Variants in GALNS observed in about 807,000 individuals in gnomAD.
GALNS encodes galactosamine (N-acetyl)-6-sulfatase.
In GALNS, 65 loss-of-function variants were observed where a neutral mutation model predicts 65.9. The ratio of observed to expected loss-of-function variants is 0.99; its 90% CI spans 0.81 to 1.21. The LOEUF (loss-of-function observed/expected upper bound fraction) is 1.21, where lower values mean the gene tolerates loss of function less well. Ranked by LOEUF, GALNS falls within the 50% of genes most tolerant of loss-of-function variation. The probability of loss-of-function intolerance (pLI) is 0.00; values close to 1 mark genes in which losing one functional copy is unlikely to be tolerated. For synonymous variants in GALNS, 346 were observed against 288.9 expected, an observed-to-expected ratio of 1.20 and a Z score of -2.00; for missense variants, 776 against 700.7, an observed-to-expected ratio of 1.11 and a Z score of -1.21.
rs575624624 is a variant in GALNS, at chr16:88,815,059, C to T, written c.1483-534G>A. 1,030 of 909,420 alleles carry T rather than the reference C, an allele frequency of 1.1e-3. 1 individual carries two copies. The highest frequency in any genetic ancestry group is 1.2e-3 in the Admixed American group (10 of 8,012). 56.3% of individuals were successfully genotyped at this position (909,420 alleles called of 1,614,324 possible). Reference sequence around the variant, plus strand: ...CGAGCAGTTTTGATGTGTCCCCTGCCCAGGTCAACCCCGGACCCCAACCAA... The same window carrying T: ...CGAGCAGTTTTGATGTGTCCCCTGCTCAGGTCAACCCCGGACCCCAACCAA... On this transcript the variant is annotated intron_variant, in intron 13 of 13. Coordinates refer to ENST00000268695, the MANE Select transcript of GALNS (RefSeq NM_000512.5).
chr16:88,816,232 G>A (rs1179599753), intron 13 of GALNS: 9 of 985,462 alleles, frequency 9.1e-6, no homozygotes, highest in Non-Finnish European at 9.6e-6. Flanking sequence ...CCCCTGCCCT[G>A]TGCCCACTGT....
chr16:88,832,563 C>T (rs144099381), intron 8 of GALNS, among the ~76,000 whole-genome samples: 145 of 152,310 alleles, frequency 9.5e-4, no homozygotes, highest in African/African-American at 3.4e-3. Context: ...CCCCCAAGAC[C>T]GGATTTTGGT....
chr16:88,856,004 A>C, intron 1 of GALNS: 1 of 598,468 alleles, frequency 1.7e-6, no homozygotes, highest in Non-Finnish European at 3.0e-6. Flanking sequence ...CCAAGCTTGG[A>C]GACAGTAGGG....
At position 88,836,111 on chromosome 16, in the gene GALNS, T is replaced by A. The variant is rs564115191; in HGVS notation, c.633+90A>T. On this transcript the variant is annotated intron_variant, in intron 6 of 13. Transcript: ENST00000268695. ...CCTCCCACGGGGTGAGGTTGATGCA[T>A]TCCTGTCCCCACGCCTCCCACAGGA... 5.0e-4 allele frequency: 639 copies of A among 1,288,394 alleles called. 9 individuals are homozygous for A. The Admixed American group carries it at 5.8e-3, about 12-fold the overall frequency. The allele number at this position is 1,288,394 out of a possible 1,614,324, so 79.8% of individuals were successfully genotyped here. A position where few individuals can be genotyped will look rare whatever the true frequency, so the allele number is the denominator to read the frequency against.
At chr16:88,853,974 G>A (rs925435495) in intron 1 of GALNS, among the ~76,000 whole-genome samples, 3 of 152,228 alleles carry the variant, frequency 2.0e-5, no homozygotes, top group African/African-American at 7.2e-5. Context: ...TTCTGGCCAT[G>A]AGGGGTGCAA....
At chr16:88,843,845 C>G (rs1223157433) in intron 1 of GALNS, 2 of 153,572 alleles carry the variant, frequency 1.3e-5, no homozygotes, top group Non-Finnish European at 2.9e-5. Flanking sequence ...GAAGGGCACC[C>G]CACACCGCGC....
At chr16:88,842,181 G>C (rs542564315) in intron 2 of GALNS, 13 of 657,220 alleles carry the variant, frequency 2.0e-5, no homozygotes, top group Admixed American at 4.2e-5. Flanking sequence ...CGTGGCCCTT[G>C]GGCCCTGCAG....
At chr16:88,817,132 C>T in intron 13 of GALNS, 1 of 985,476 alleles carries the variant, frequency 1.0e-6, no homozygotes, top group Non-Finnish European at 1.2e-6. Flanking sequence ...CCTTTGCGGC[C>T]ACTGCACACG....
chr16:88,816,735 C>T (rs1388043243), intron 13 of GALNS: 15 of 985,332 alleles, frequency 1.5e-5, no homozygotes, highest in Non-Finnish European at 1.8e-5. Flanking sequence ...TCCCACGGCA[C>T]GGCGGGCACC....
In GALNS at chr16:88,842,207, A is replaced by G. The variant is rs79381028; in HGVS notation, c.245-236T>C. On this transcript the variant is annotated intron_variant, in intron 2 of 13. Transcript: ENST00000268695. Reference sequence around the variant, plus strand: ...GGCCCTGCAGCTCAGCGTTGTCCCCAAGACCCCGCCTCCTTTCGCAGGCTC... The same window carrying G: ...GGCCCTGCAGCTCAGCGTTGTCCCCGAGACCCCGCCTCCTTTCGCAGGCTC... 2.7e-3 allele frequency: 1,672 copies of G among 621,226 alleles called. 28 individuals are homozygous for G. In the East Asian group the frequency reaches 0.039, roughly 14 times the overall value. 38.5% of individuals were successfully genotyped at this position (621,226 alleles called of 1,614,324 possible).
At chr16:88,843,550 G>A (rs1597585377) in intron 1 of GALNS, 1 of 254,230 alleles carries the variant, frequency 3.9e-6, no homozygotes, top group Non-Finnish European at 8.0e-6. Flanking sequence ...GCCAGGGTGG[G>A]CCCTCAATCC....
intron 13 of GALNS, 146 bp from the exon 14 acceptor site, chr16:88,814,671 G>T (rs1245808432): frequency 7.7e-7 from 1 of 1,295,318 alleles, no homozygotes; most frequent in Non-Finnish European, 1.1e-6. Flanking sequence ...TTGGCTCACT[G>T]CAACCTCTGC....
At chr16:88,814,834 C>T (rs1371509149) in intron 13 of GALNS, among the ~76,000 whole-genome samples, 1 of 152,226 alleles carries the variant, frequency 6.6e-6, no homozygotes, top group Non-Finnish European at 1.5e-5. Flanking sequence ...CTCCTGACCT[C>T]GTGATCCACC....
intron 1 of GALNS, among the ~76,000 whole-genome samples, chr16:88,854,966 G>A (rs545402232): frequency 2.0e-5 from 3 of 152,244 alleles, no homozygotes; most frequent in East Asian, 1.9e-4. Flanking sequence ...CCAGGTGGGC[G>A]GGGCTTCCTG....
In GALNS at chr16:88,826,135, A is replaced by G. The variant is rs1171881124; in HGVS notation, c.1139+567T>C. Among the ~76,000 whole-genome samples, 7 of 96,364 alleles carry G rather than the reference A, an allele frequency of 7.3e-5. No individual in the cohort carries two copies. In the Admixed American group the frequency reaches 8.7e-4, roughly 12 times the overall value. The allele number at this position is 96,364 out of a possible 152,430, so 63.2% of individuals were successfully genotyped here. A position where few individuals can be genotyped will look rare whatever the true frequency, so the allele number is the denominator to read the frequency against. On this transcript the variant is annotated intron_variant, in intron 10 of 13. Coordinates refer to ENST00000268695, the MANE Select transcript of GALNS (RefSeq NM_000512.5). Reference sequence around the variant, plus strand: ...CCAAAAACCAGGCTGGGCAGGGAACAGGGGTGGGGCAGACAGGGGCAGCGT... The same window carrying G: ...CCAAAAACCAGGCTGGGCAGGGAACGGGGGTGGGGCAGACAGGGGCAGCGT...
chr16:88,838,435 G>C (rs928207407), intron 4 of GALNS: 1 of 152,928 alleles, frequency 6.5e-6, no homozygotes, highest in African/African-American at 2.4e-5. Context: ...GCTCTCCTGG[G>C]ACCGGGGTTC....
chr16:88,831,938 A>C (rs1911546842), intron 9 of GALNS, 60 bp downstream of exon 9: 3 of 1,459,810 alleles, frequency 2.1e-6, no homozygotes. Flanking sequence ...GGGCGCACAC[A>C]CCCTGGGATG....
chr16:88,830,416 C>T (rs1597555584), intron 9 of GALNS, among the ~76,000 whole-genome samples: 1 of 152,114 alleles, frequency 6.6e-6, no homozygotes, highest in African/African-American at 2.4e-5. Flanking sequence ...CGCACGTCTT[C>T]ACTCAGCCCC....
At chr16:88,842,461 C>G in intron 2 of GALNS, 1 of 585,650 alleles carries the variant, frequency 1.7e-6, no homozygotes, top group Non-Finnish European at 3.0e-6. Context: ...CTCTGGGAAA[C>G]AGAACAGCAG....
Sources: allele counts gnomAD v4.1 joint callset (sites outside exome capture counted in the v4.1 genomes callset), GRCh38; gene constraint gnomAD v4.1.1; transcripts MANE v1.5; gene names NCBI Gene and HGNC (gene_info 2026-07-23, HGNC 2026-07-21).